The following LRFN2 variants were observed in gnomAD, a reference collection of about 807,000 sequenced individuals.
LRFN2 encodes the protein leucine-rich repeat and fibronectin type-III domain-containing protein 2.
LRFN2 carries 18 observed loss-of-function variants against 37.3 expected under a neutral mutation model. The observed-to-expected ratio is 0.48, with a 90% CI of 0.33 to 0.72. LRFN2 has a LOEUF of 0.72. Ranked by LOEUF, LRFN2 falls within the 30% of genes least tolerant of loss-of-function variation. The pLI is 0.02. For missense variants in LRFN2, 1,006 were observed against 1,060.7 expected (o/e 0.95, Z 0.72); for synonymous variants, 556 against 466.6 (o/e 1.19, Z -2.47).
intron 1 of LRFN2, among the ~76,000 whole-genome samples, chr6:40,546,446 T>C (rs205515): frequency 0.62 from 93,808 of 152,038 alleles, 29,934 homozygotes; most frequent in African/African-American, 0.78. Flanking sequence ...GATTCAGGTT[T>C]ATTAGGGGCA....
At chr6:40,544,078 T>C (rs1181134049) in intron 1 of LRFN2, among the ~76,000 whole-genome samples, 1 of 152,184 alleles carries the variant, frequency 6.6e-6, no homozygotes, top group Non-Finnish European at 1.5e-5. Context: ...AGGGCACAAT[T>C]AGCCAGTCCT....
At chr6:40,415,256 T>C (rs1763070905) in intron 2 of LRFN2, among the ~76,000 whole-genome samples, 1 of 151,222 alleles carries the variant, frequency 6.6e-6, no homozygotes, top group Non-Finnish European at 1.5e-5. Context: ...GACAGAGTCT[T>C]GCTTTGTCGC....
Position 40,392,873 on chromosome 6 carries a change from G to A in LRFN2, c.1440C>T (p.Asn480=), listed in dbSNP as rs1232864484. Reference sequence around the variant, plus strand: ...AGTCGTAGCCAGTCCCTGACACCAGGTTGTTGACCACGAAGGCCTTGTTGG... The same window carrying A: ...AGTCGTAGCCAGTCCCTGACACCAGATTGTTGACCACGAAGGCCTTGTTGG... The part of the protein sequence containing the change: ...PASNKAFVVN[N]LVSGTGYDLC... The change falls in exon 3 of 3, where the codon AAC becomes AAT. Residue 480 remains asparagine, a synonymous_variant. Transcript: ENST00000338305. This position sits in a 1 kb window ranked among gnomAD's most constrained non-coding sequence, Gnocchi z 4.7. 6.2e-7 allele frequency: 1 copy of A among 1,613,426 alleles called. No individual in the cohort carries two copies. The highest frequency in any genetic ancestry group is 8.5e-7 in the Non-Finnish European group (1 of 1,179,698).
At chr6:40,402,282 C>A (rs916136884) in intron 2 of LRFN2, among the ~76,000 whole-genome samples, 4 of 152,128 alleles carry the variant, frequency 2.6e-5, no homozygotes, top group African/African-American at 9.7e-5. Flanking sequence ...AAGGCTCAGG[C>A]AGATAGAACC....
At chr6:40,452,160 G>A (rs1349403657) in intron 1 of LRFN2, among the ~76,000 whole-genome samples, 1 of 152,158 alleles carries the variant, frequency 6.6e-6, no homozygotes, top group African/African-American at 2.4e-5. Flanking sequence ...ACCCAGTGAA[G>A]GTCTTCCAAG....
At position 40,392,622 on chromosome 6, in the gene LRFN2, G is replaced by A. The variant is rs781552497; in HGVS notation, c.1691C>T (p.Ala564Val). 2.5e-6 allele frequency: 4 copies of A among 1,610,982 alleles called. No individual in the cohort carries two copies. In the South Asian group the frequency reaches 3.3e-5, roughly 13 times the overall value. The stretch of plus-strand genomic sequence containing the variant: ...CACGGCCGCTGCCATCTTGCTGGGG[G>A]CCTCGTGGTTGCAGACCTTGTAGCG... ...MVRYKVCNHE[A>V]PSKMAAAVSN... The change falls in exon 3 of 3, where the codon GCC becomes GTC. Residue 564 changes from alanine to valine, a missense_variant. By Grantham distance (64) the Ala-to-Val change is moderately conservative. This residue lies in a region of LRFN2 where 398 missense variants were observed against 327.6 expected (regional missense o/e 1.21). Transcript: ENST00000338305. The surrounding 1 kb of genome is among the most constrained non-coding windows in gnomAD (Gnocchi z 4.7).
intron 2 of LRFN2, among the ~76,000 whole-genome samples, chr6:40,421,131 G>A (rs1410963716): frequency 6.6e-6 from 1 of 152,238 alleles, no homozygotes; most frequent in Non-Finnish European, 1.5e-5. Context: ...CAAGAGCAGT[G>A]AGCCACACAT....
At chr6:40,570,324 C>T (rs976871729) in intron 1 of LRFN2, among the ~76,000 whole-genome samples, 4 of 152,190 alleles carry the variant, frequency 2.6e-5, no homozygotes, top group African/African-American at 9.7e-5. Context: ...AGACACTGTT[C>T]TAAGTGCTTT....
At chr6:40,555,539 T>A (rs2113925672) in intron 1 of LRFN2, among the ~76,000 whole-genome samples, 1 of 152,294 alleles carries the variant, frequency 6.6e-6, no homozygotes, top group East Asian at 1.9e-4. Flanking sequence ...ATCCCCCTCC[T>A]CACATGCCAC....
chr6:40,411,504 G>A (rs944345183), intron 2 of LRFN2, among the ~76,000 whole-genome samples: 55 of 152,328 alleles, frequency 3.6e-4, no homozygotes, highest in Admixed American at 2.2e-3. Context: ...TCGAATCAGC[G>A]TCCTTACAAA....
chr6:40,571,692 T>C (rs1442479563), intron 1 of LRFN2, among the ~76,000 whole-genome samples: 1 of 152,244 alleles, frequency 6.6e-6, no homozygotes, highest in Non-Finnish European at 1.5e-5. Flanking sequence ...TTGGAGCCTC[T>C]GTGGCCCTCC....
rs531799394 is a variant in LRFN2, at chr6:40,431,913, C to T, written c.1201G>A (p.Gly401Ser). Reference sequence around the variant, plus strand: ...CCTCCCCGGCTGGTCTTGCTGGAGCCAGTGATGTCTGAGAGGCGGGACTTG... The same window carrying T: ...CCTCCCCGGCTGGTCTTGCTGGAGCTAGTGATGTCTGAGAGGCGGGACTTG... The part of the protein sequence containing the change: ...PPKSRLSDIT[G>S]SSKTSRGGGG... The change falls in exon 2 of 3, where the codon GGC (glycine) becomes AGC (serine). Residue 401 changes from glycine to serine, a missense_variant. This residue lies in a region of LRFN2 where 303 missense variants were observed against 299.8 expected (regional missense o/e 1.01). Transcript: ENST00000338305. 1.9e-6 allele frequency: 3 copies of T among 1,613,164 alleles called. No individual in the cohort carries two copies. Among genetic ancestry groups the T allele is most frequent in the Admixed American group, 3.3e-5 (2 of 59,992 alleles).
intron 1 of LRFN2, among the ~76,000 whole-genome samples, chr6:40,533,523 C>CA (rs995645348): frequency 7.2e-4 from 108 of 149,626 alleles, no homozygotes; most frequent in African/African-American, 2.2e-3. Flanking sequence ...TGATTAAAAC[C>CA]AAAAAAAAAG....
chr6:40,541,184 A>G (rs997419643), intron 1 of LRFN2, among the ~76,000 whole-genome samples: 2 of 152,192 alleles, frequency 1.3e-5, no homozygotes, highest in African/African-American at 4.8e-5. Context: ...CCAGGCTCAC[A>G]GTGAGTGGTC....
At position 40,391,908 on chromosome 6, in the gene LRFN2, C is replaced by A; in HGVS notation, c.*35G>T. ...GTGAGATTCTTTCCCCTTCTCCCAC[C>A]CTGCGCACAGGAAAGGGAGCATGCC... On this transcript the variant is annotated 3_prime_UTR_variant, in exon 3 of 3. Transcript: ENST00000338305. 6.7e-7 allele frequency: 1 copy of A among 1,496,138 alleles called. No homozygotes were observed. The highest frequency in any genetic ancestry group is 1.4e-5 in the South Asian group (1 of 73,416). 92.7% of individuals were successfully genotyped at this position (1,496,138 alleles called of 1,614,324 possible).
intron 2 of LRFN2, among the ~76,000 whole-genome samples, chr6:40,417,777 G>A (rs1763129190): frequency 6.6e-6 from 1 of 152,112 alleles, no homozygotes; most frequent in Non-Finnish European, 1.5e-5. Context: ...AGTACTTCCT[G>A]CTCACTCACA....
chr6:40,432,505 A>T lies in LRFN2; in HGVS notation c.609T>A (p.Asp203Glu). 6.2e-7 allele frequency: 1 copy of T among 1,614,214 alleles called. No individual in the cohort carries two copies. The highest frequency in any genetic ancestry group is 8.5e-7 in the Non-Finnish European group (1 of 1,180,044). ...GCTTCTGCAGCCGATTGGAGGTGAG[A>T]TCCAGGCGGGCCAGTTTCTGCAGGT... ...FADLQKLARL[D>E]LTSNRLQKLP... is the part of the protein sequence containing the mutation. Residue 203 changes from aspartate to glutamate, a missense_variant, in exon 2 of 3, where the codon GAT becomes GAA. This residue lies in a region of LRFN2 where 303 missense variants were observed against 299.8 expected (regional missense o/e 1.01). Coordinates refer to ENST00000338305, the MANE Select transcript of LRFN2 (RefSeq NM_020737.3).
intron 1 of LRFN2, among the ~76,000 whole-genome samples, chr6:40,434,209 C>T (rs544667903): frequency 2.0e-4 from 30 of 152,328 alleles, no homozygotes; most frequent in African/African-American, 5.5e-4. Flanking sequence ...AAGCCTAAAG[C>T]GCTGCCTGGC....
At chr6:40,575,795 T>C (rs1339548671) in intron 1 of LRFN2, among the ~76,000 whole-genome samples, 1 of 152,054 alleles carries the variant, frequency 6.6e-6, no homozygotes, top group East Asian at 1.9e-4. Context: ...AGCTGGCTGC[T>C]GGGGTTTGAA....
Sources: gnomAD v4.1 joint callset for allele counts (sites outside exome capture counted in the v4.1 genomes callset) on GRCh38, gnomAD v4.1.1 for gene constraint, gnomAD v4.1.1 regional missense constraint, Gnocchi (gnomAD v3.1) non-coding constraint, MANE v1.5 for transcripts, NCBI Gene and HGNC (gene_info 2026-07-23, HGNC 2026-07-21) for gene names.